Variants in ADAMTS3 observed in about 807,000 individuals in gnomAD.
The protein encoded by ADAMTS3 is A disintegrin and metalloproteinase with thrombospondin motifs 3.
In ADAMTS3, 73 loss-of-function variants were observed where a neutral mutation model predicts 129.0. The ratio of observed to expected loss-of-function variants is 0.57; its 90% confidence interval spans 0.47 to 0.69. The LOEUF (loss-of-function observed/expected upper bound fraction) is 0.69. Among genes scored for constraint, ADAMTS3 ranks in the 30% least tolerant of loss-of-function variants. ADAMTS3 has a pLI of 0.00. For missense variants in ADAMTS3, 1,457 were observed against 1,514.5 expected, an observed-to-expected ratio of 0.96 and a Z score of 0.63; for synonymous variants, 477 against 510.8, an observed-to-expected ratio of 0.93 and a Z score of 0.89.
intron 4 of ADAMTS3, among the ~76,000 whole-genome samples, chr4:72,390,311 A>G (rs1721557280): frequency 6.6e-6 from 1 of 152,194 alleles, no homozygotes; most frequent in African/African-American, 2.4e-5. Flanking sequence ...TTAAAATAAT[A>G]ATAAGTACAT....
intron 3 of ADAMTS3, among the ~76,000 whole-genome samples, chr4:72,501,955 A>G (rs1422299871): frequency 1.5e-4 from 5 of 34,064 alleles, no homozygotes; most frequent in Non-Finnish European, 7.4e-4. Context: ...CATCCCAGCA[A>G]TGAAGCCTAC....
intron 21 of ADAMTS3, among the ~76,000 whole-genome samples, chr4:72,286,605 T>G (rs978685393): frequency 2.0e-5 from 3 of 152,206 alleles, no homozygotes; most frequent in Non-Finnish European, 4.4e-5. Context: ...ATTCAAACAA[T>G]GTCTTACTTA....
At chr4:72,324,112 C>T (rs964831822) in intron 5 of ADAMTS3, among the ~76,000 whole-genome samples, 3 of 152,178 alleles carry the variant, frequency 2.0e-5, no homozygotes, top group African/African-American at 7.2e-5. Flanking sequence ...GAAAAACTAA[C>T]TGCAACTCAG....
At chr4:72,286,864 A>C (rs1718518966) in intron 21 of ADAMTS3, among the ~76,000 whole-genome samples, 1 of 152,070 alleles carries the variant, frequency 6.6e-6, no homozygotes, top group African/African-American at 2.4e-5. Flanking sequence ...CAGGAAGAGA[A>C]AAAGATGTCA....
intron 3 of ADAMTS3, among the ~76,000 whole-genome samples, chr4:72,462,131 AT>A (rs1356719488): frequency 1.3e-5 from 2 of 151,844 alleles, no homozygotes; most frequent in African/African-American, 4.8e-5. Context: ...AATAATTGCT[AT>A]AAAAAATAAA....
At chr4:72,361,854 A>C (rs1163257429) in intron 4 of ADAMTS3, among the ~76,000 whole-genome samples, 8 of 152,122 alleles carry the variant, frequency 5.3e-5, no homozygotes, top group Admixed American at 4.6e-4. Context: ...AAGTCTACAT[A>C]AATTACAATT....
chr4:72,523,544 ATACATTACAT>A (rs199539306), intron 3 of ADAMTS3, among the ~76,000 whole-genome samples: 40 of 152,216 alleles, frequency 2.6e-4, no homozygotes, highest in African/African-American at 9.4e-4. Flanking sequence ...AAACAATACT[ATACATTACAT>A]TACATTACAT....
intron 2 of ADAMTS3, among the ~76,000 whole-genome samples, chr4:72,551,290 C>G (rs963086598): frequency 1.3e-5 from 2 of 152,062 alleles, no homozygotes; most frequent in African/African-American, 4.8e-5. Context: ...CGCAGGGAGC[C>G]TTCTCCATAC....
intron 4 of ADAMTS3, among the ~76,000 whole-genome samples, chr4:72,412,136 A>G (rs1722199082): frequency 1.3e-5 from 2 of 152,188 alleles, no homozygotes; most frequent in African/African-American, 4.8e-5. Flanking sequence ...CTTATGATCA[A>G]AACTCCTACT....
intron 3 of ADAMTS3, among the ~76,000 whole-genome samples, chr4:72,499,035 T>A (rs138577459): frequency 6.6e-6 from 1 of 152,112 alleles, no homozygotes; most frequent in Non-Finnish European, 1.5e-5. Flanking sequence ...CTTCAGCCCC[T>A]ACAAGACCTA....
chr4:72,320,940 GAAGCT>G (rs1719537994), intron 6 of ADAMTS3, 70 bp from the exon 7 acceptor site: 7 of 1,486,480 alleles, frequency 4.7e-6, no homozygotes, highest in Admixed American at 4.2e-5. Flanking sequence ...AATTTCCTCT[GAAGCT>G]GAATTTGGGA....
At chr4:72,340,753 G>C (rs2109833067) in intron 4 of ADAMTS3, among the ~76,000 whole-genome samples, 1 of 152,056 alleles carries the variant, frequency 6.6e-6, no homozygotes, top group Admixed American at 6.5e-5. Flanking sequence ...GTTTTCAGAT[G>C]ACTATATTTT....
chr4:72,428,695 G>C (rs901271783), intron 3 of ADAMTS3, among the ~76,000 whole-genome samples: 1 of 151,906 alleles, frequency 6.6e-6, no homozygotes, highest in Non-Finnish European at 1.5e-5. Flanking sequence ...CTATTAACTA[G>C]CATTACTTGT....
chr4:72,533,483 A>T (rs1458346721), intron 3 of ADAMTS3, among the ~76,000 whole-genome samples: 3 of 152,132 alleles, frequency 2.0e-5, no homozygotes, highest in Non-Finnish European at 4.4e-5. Context: ...AGTAATGATT[A>T]AAAAGTGTAG....
chr4:72,354,889 AC>A (rs1157597385), intron 4 of ADAMTS3, among the ~76,000 whole-genome samples: 3 of 151,932 alleles, frequency 2.0e-5, no homozygotes, highest in Non-Finnish European at 2.9e-5. Flanking sequence ...GGTTCTAGAC[AC>A]TGGATTGTGT....
chr4:72,512,640 A>G (rs2109724874), intron 3 of ADAMTS3, among the ~76,000 whole-genome samples: 1 of 152,230 alleles, frequency 6.6e-6, no homozygotes, highest in East Asian at 1.9e-4. Flanking sequence ...AAATGCTTGA[A>G]GGGATGGAGA....
chr4:72,437,240 A>T (rs1285248166), intron 3 of ADAMTS3, among the ~76,000 whole-genome samples: 1 of 151,856 alleles, frequency 6.6e-6, no homozygotes, highest in Non-Finnish European at 1.5e-5. Context: ...GAACATTTTT[A>T]AAAAATACAT....
chr4:72,444,650 T>C (rs1311236162), intron 3 of ADAMTS3, among the ~76,000 whole-genome samples: 2 of 151,798 alleles, frequency 1.3e-5, no homozygotes, highest in African/African-American at 4.8e-5. Flanking sequence ...AGAAATGTCA[T>C]ACTTAAATGC....
At position 72,548,594 on chromosome 4, in the gene ADAMTS3, C is replaced by T. The variant is rs201548852; in HGVS notation, c.388G>A (p.Gly130Arg). The T allele has an allele frequency of 1.2e-6, 2 of 1,614,020 alleles. No individual in the cohort carries two copies. The highest frequency in any genetic ancestry group is 1.7e-6 in the Non-Finnish European group (2 of 1,179,934). The change falls in exon 3 of 22, where the codon GGA (glycine) becomes AGA (arginine). Residue 130 changes from glycine to arginine, a missense_variant. Gly to Arg is a moderately radical substitution (Grantham distance 125). Transcript: ENST00000286657. ...ITDPINNHQPGSATYRIRRTE... is the reference protein window; with the variant it reads ...ITDPINNHQPRSATYRIRRTE... ...CTCCGGATTCTATACGTAGCACTTC[C>T]TGGTTGATGGTTGTTAATGGGATCG...
Sources: allele counts gnomAD v4.1 joint callset (sites outside exome capture counted in the v4.1 genomes callset), GRCh38; gene constraint gnomAD v4.1.1; transcripts MANE v1.5; gene names NCBI Gene and HGNC (gene_info 2026-07-23, HGNC 2026-07-21).